Variants in CRYBG3 observed in about 807,000 individuals in gnomAD.
CRYBG3 encodes crystallin beta-gamma domain containing 3.
A neutral mutation model predicts 244.2 loss-of-function variants in CRYBG3; 127 were observed. That is an observed-to-expected ratio of 0.52 (90% CI 0.45 to 0.60). CRYBG3 has a LOEUF of 0.60. Ranked by LOEUF, CRYBG3 falls within the 20% of genes least tolerant of loss-of-function variation. The probability of loss-of-function intolerance (pLI) is 0.00; values close to 1 mark genes in which losing one functional copy is unlikely to be tolerated. For synonymous variants in CRYBG3, 1,132 were observed against 1,195.8 expected, an observed-to-expected ratio of 0.95 and a Z score of 1.10; for missense variants, 3,325 against 3,442.5, an observed-to-expected ratio of 0.97 and a Z score of 0.85.
At chr3:97,896,451 A>G (rs905787947) in intron 12 of CRYBG3, among the ~76,000 whole-genome samples, 4 of 152,192 alleles carry the variant, frequency 2.6e-5, no homozygotes, top group African/African-American at 9.6e-5. Flanking sequence ...CAGGGTCCCC[A>G]GAAAAAGATC....
chr3:97,855,977 A>G (rs923266752), intron 2 of CRYBG3, among the ~76,000 whole-genome samples: 1 of 152,122 alleles, frequency 6.6e-6, no homozygotes, highest in Non-Finnish European at 1.5e-5. Context: ...TTTGAGAGCA[A>G]CCGGTCTGAC....
intron 1 of CRYBG3, among the ~76,000 whole-genome samples, chr3:97,835,075 T>A (rs1365204270): frequency 1.3e-5 from 2 of 152,106 alleles, no homozygotes; most frequent in African/African-American, 4.8e-5. Flanking sequence ...GGAACTTGAA[T>A]TTTTTTCACT....
chr3:97,925,859 T>A (rs2040035642), intron 17 of CRYBG3, among the ~76,000 whole-genome samples: 1 of 152,012 alleles, frequency 6.6e-6, no homozygotes. Flanking sequence ...TTTTTTTAAA[T>A]AAGGAGAAAA....
rs189756494 is a variant in CRYBG3, at chr3:97,842,705, G to A, written c.150-490G>A. 1.8e-4 allele frequency among the ~76,000 whole-genome samples: 28 copies of A among 152,102 alleles called. No individual in the cohort carries two copies. The East Asian group carries it at 5.2e-3, about 28-fold the overall frequency. ...AAGGTGCCATCTGGAATACGTTTGG[G>A]GCTAGATAAACCTACATCTATTTTT... On this transcript the variant is annotated intron_variant, in intron 1 of 21. Transcript: ENST00000389622.
intron 15 of CRYBG3, among the ~76,000 whole-genome samples, chr3:97,902,725 G>A (rs948412379): frequency 1.2e-4 from 19 of 152,016 alleles, no homozygotes; most frequent in African/African-American, 4.1e-4. Context: ...CTTTTATTGA[G>A]AAGATTTTTT....
intron 20 of CRYBG3, among the ~76,000 whole-genome samples, chr3:97,941,601 A>G (rs545938213): frequency 5.9e-5 from 9 of 152,078 alleles, no homozygotes; most frequent in African/African-American, 2.2e-4. Flanking sequence ...AAGTTGGACA[A>G]TGTGCTTTTG....
chr3:97,902,796 G>A (rs1028979997), intron 15 of CRYBG3, among the ~76,000 whole-genome samples: 8 of 152,020 alleles, frequency 5.3e-5, no homozygotes, highest in Non-Finnish European at 8.8e-5. Flanking sequence ...ATACAGGATC[G>A]CTATAGAATT....
intron 15 of CRYBG3, among the ~76,000 whole-genome samples, chr3:97,907,054 A>T (rs1478713519): frequency 2.6e-5 from 4 of 151,972 alleles, no homozygotes; most frequent in African/African-American, 7.3e-5. Flanking sequence ...ACATTTATTG[A>T]TTTGCATATA....
At chr3:97,836,726 G>A (rs1383804373) in intron 1 of CRYBG3, among the ~76,000 whole-genome samples, 1 of 152,098 alleles carries the variant, frequency 6.6e-6, no homozygotes, top group Non-Finnish European at 1.5e-5. Context: ...CTAAAGGAGG[G>A]CTGAGAGGTG....
At chr3:97,916,448 A>G (rs1264675487) in intron 17 of CRYBG3, among the ~76,000 whole-genome samples, 1 of 152,160 alleles carries the variant, frequency 6.6e-6, no homozygotes, top group African/African-American at 2.4e-5. Flanking sequence ...TGTGAGATAA[A>G]TGGGATCACA....
At chr3:97,924,717 C>T (rs1249295540) in intron 17 of CRYBG3, among the ~76,000 whole-genome samples, 1 of 152,084 alleles carries the variant, frequency 6.6e-6, no homozygotes, top group African/African-American at 2.4e-5. Flanking sequence ...ACCCTCCTAC[C>T]TTCCTCTTAC....
rs923563462 is a variant in CRYBG3, at chr3:97,822,121, C to A, written c.-86C>A. ...CGAGTCGGTCTGCCCTAGCCGCATC[C>A]CGCGGCGCCCGGTCGGGCTCCGGGC... On this transcript the variant is annotated 5_prime_UTR_variant, in exon 1 of 22. Transcript: ENST00000389622. 36 of 1,285,108 alleles carry A rather than the reference C, an allele frequency of 2.8e-5. No homozygotes were observed. Among genetic ancestry groups the A allele is most frequent in the Middle Eastern group, 2.8e-4 (1 of 3,520 alleles). The allele number at this position is 1,285,108 out of a possible 1,614,324, so 79.6% of individuals were successfully genotyped here.
chr3:97,934,343 GA>G (rs1359546333), intron 18 of CRYBG3, among the ~76,000 whole-genome samples: 2 of 152,040 alleles, frequency 1.3e-5, no homozygotes, highest in Non-Finnish European at 2.9e-5. Context: ...ATATCAATGT[GA>G]ATACTTAGGA....
Position 97,877,141 on chromosome 3 carries a change from G to A in CRYBG3, c.5947G>A (p.Gly1983Arg), listed in dbSNP as rs750243528. 1 of 1,613,694 alleles carries A rather than the reference G, an allele frequency of 6.2e-7. No homozygotes were observed. Among genetic ancestry groups the A allele is most frequent in the Admixed American group, 1.7e-5 (1 of 60,004 alleles). The change falls in exon 4 of 22, where the codon GGA becomes AGA. Residue 1983 changes from glycine to arginine, a missense_variant. Gly to Arg is a moderately radical substitution (Grantham distance 125). Around this residue, in one of 4 missense-constraint regions of CRYBG3, gnomAD observed 450 missense variants for 424.1 expected, o/e 1.06. Transcript: ENST00000389622. Reference sequence around the variant, plus strand: ...GAGAGAGACAGATTATAGTGACAAAGGATATAATTTAGCTTTTGTTTCTCA... The same window carrying A: ...GAGAGAGACAGATTATAGTGACAAAAGATATAATTTAGCTTTTGTTTCTCA... ...KRRETDYSDK[G>R]YNLAFVSQDE... is the part of the protein sequence containing the mutation.
intron 2 of CRYBG3, among the ~76,000 whole-genome samples, chr3:97,848,314 T>C (rs1324931617): frequency 1.3e-5 from 2 of 152,188 alleles, no homozygotes; most frequent in African/African-American, 2.4e-5. Flanking sequence ...TGTTGTTTTT[T>C]TGAGATGGAG....
In CRYBG3 at chr3:97,822,178, C is replaced by T; in HGVS notation, c.-29C>T. On this transcript the variant is annotated 5_prime_UTR_variant, in exon 1 of 22. Coordinates refer to ENST00000389622, the MANE Select transcript of CRYBG3 (RefSeq NM_153605.4). ...CAACACCTAGGCCGTTCCCTTCAGA[C>T]AGCCCCGGGCCAGCGGCCCCCTCGG... 6.7e-7 allele frequency: 1 copy of T among 1,494,856 alleles called. No homozygotes were observed. Among genetic ancestry groups the T allele is most frequent in the Non-Finnish European group, 8.9e-7 (1 of 1,126,934 alleles). The allele number at this position is 1,494,856 out of a possible 1,614,324, so 92.6% of individuals were successfully genotyped here. A position where few individuals can be genotyped will look rare whatever the true frequency, so the allele number is the denominator to read the frequency against.
intron 16 of CRYBG3, among the ~76,000 whole-genome samples, chr3:97,914,276 C>T (rs906547470): frequency 7.2e-5 from 11 of 152,110 alleles, no homozygotes; most frequent in Non-Finnish European, 1.3e-4. Context: ...CACACACACA[C>T]AGCAAGGACC....
chr3:97,913,366 A>G (rs1008475975), intron 16 of CRYBG3, among the ~76,000 whole-genome samples: 2 of 152,116 alleles, frequency 1.3e-5, no homozygotes, highest in Non-Finnish European at 2.9e-5. Flanking sequence ...AACTTTAACT[A>G]TAAAGAATCA....
intron 2 of CRYBG3, among the ~76,000 whole-genome samples, chr3:97,851,747 G>T (rs2038988852): frequency 1.3e-5 from 2 of 152,166 alleles, no homozygotes; most frequent in Admixed American, 1.3e-4. Context: ...GACCTTGAAG[G>T]CAATGCCAGG....
Sources: allele counts gnomAD v4.1 joint callset (sites outside exome capture counted in the v4.1 genomes callset), GRCh38; gene constraint gnomAD v4.1.1; regional missense constraint gnomAD v4.1.1; transcripts MANE v1.5; gene names NCBI Gene and HGNC (gene_info 2026-07-23, HGNC 2026-07-21).